Variants in FRMD4B observed in about 807,000 individuals in gnomAD.
FRMD4B encodes the protein FERM domain containing 4B, also known as FERM domain-containing protein 4B.
A neutral mutation model predicts 141.5 loss-of-function variants in FRMD4B; 74 were observed. The ratio of observed to expected loss-of-function variants is 0.52; its 90% confidence interval spans 0.43 to 0.63. The LOEUF is 0.63. FRMD4B is among the 30% of genes least tolerant of loss of function. The pLI, the probability that FRMD4B is intolerant of heterozygous loss-of-function variation, is 0.00. For missense variants in FRMD4B, 1,366 were observed against 1,253.4 expected (o/e 1.09, Z -1.36); for synonymous variants, 506 against 467.9 (o/e 1.08, Z -1.05).
chr3:69,384,138 GGT>G (rs1195525496), intron 1 of FRMD4B, among the ~76,000 whole-genome samples: 7 of 151,826 alleles, frequency 4.6e-5, no homozygotes, highest in Non-Finnish European at 7.4e-5. Flanking sequence ...ATTATGATAT[GGT>G]ATTGGCTCAG....
Position 69,287,849 on chromosome 3 carries a change from AGAG to A in FRMD4B, c.417-16_417-14del. 1 of 1,348,522 alleles carries A rather than the reference AGAG, an allele frequency of 7.4e-7. No homozygotes were observed. Among genetic ancestry groups the A allele is most frequent in the Non-Finnish European group, 1.0e-6 (1 of 953,466 alleles). The allele number at this position is 1,348,522 out of a possible 1,614,324, so 83.5% of individuals were successfully genotyped here. A position where few individuals can be genotyped will look rare whatever the true frequency, so the allele number is the denominator to read the frequency against. On this transcript the variant is annotated splice_polypyrimidine_tract_variant and intron_variant, in intron 4 of 22. Transcript: ENST00000398540. ...CTCAATGTAAAACCTGAAAAACAGCAGAGGAGTTTGTTCCTTCAGATTTATTTT... is the reference window on the plus strand; with the variant it reads ...CTCAATGTAAAACCTGAAAAACAGCAGAGTTTGTTCCTTCAGATTTATTTT...
At chr3:69,267,636 TAGAGAGAGAGAGAGAGAGAGAGAG>T (rs55659743) in intron 5 of FRMD4B, among the ~76,000 whole-genome samples, 23 of 32,980 alleles carry the variant, frequency 7.0e-4, no homozygotes, top group South Asian at 1.1e-3. Context: ...TATATATATA[TAGAGAGAGAGAGAGAGAGAGAGAG>T]AGAGAGAGAG....
At chr3:69,400,547 A>T (rs1353025178) in intron 2 of FRMD4B, among the ~76,000 whole-genome samples, 1 of 152,232 alleles carries the variant, frequency 6.6e-6, no homozygotes, top group Non-Finnish European at 1.5e-5. Flanking sequence ...ACTGGATGAA[A>T]AAACAAACAA....
At chr3:69,174,877 A>G (rs2092626273) in intron 22 of FRMD4B, among the ~76,000 whole-genome samples, 2 of 152,234 alleles carry the variant, frequency 1.3e-5, no homozygotes, top group African/African-American at 4.8e-5. Context: ...TGAAAAGGCT[A>G]GGCTCAAATT....
intron 4 of FRMD4B, among the ~76,000 whole-genome samples, chr3:69,296,925 G>T (rs967196192): frequency 2.0e-5 from 3 of 152,126 alleles, no homozygotes; most frequent in African/African-American, 7.2e-5. Flanking sequence ...ATTCTACCTA[G>T]AGATTAACTG....
chr3:69,478,449 C>T (rs1330228057), intron 1 of FRMD4B, among the ~76,000 whole-genome samples: 1 of 152,172 alleles, frequency 6.6e-6, no homozygotes, highest in Non-Finnish European at 1.5e-5. Flanking sequence ...TTTCTGCCTT[C>T]ATTTCGTTAG....
At chr3:69,504,191 A>G (rs1706554478) in intron 1 of FRMD4B, among the ~76,000 whole-genome samples, 1 of 152,168 alleles carries the variant, frequency 6.6e-6, no homozygotes, top group Non-Finnish European at 1.5e-5. Flanking sequence ...TAATGGCAGT[A>G]AAGTATAACA....
Position 69,188,727 on chromosome 3 carries a change from G to A in FRMD4B, c.1772-810C>T, listed in dbSNP as rs934337364. Among the ~76,000 whole-genome samples, 22 of 139,232 alleles carry A rather than the reference G, an allele frequency of 1.6e-4. 1 individual carries two copies. The highest frequency in any genetic ancestry group is 9.3e-3 in the Middle Eastern group (2 of 216). The allele number at this position is 139,232 out of a possible 152,430, so 91.3% of individuals were successfully genotyped here. On this transcript the variant is annotated intron_variant, in intron 18 of 22. Transcript: ENST00000398540. ...AGCCGAGATTGCGCCACTGCAGTCC[G>A]CAGTCCGACCTGGGCGACAGAGCGA...
At chr3:69,496,423 G>T (rs1706388392) in intron 1 of FRMD4B, among the ~76,000 whole-genome samples, 1 of 152,052 alleles carries the variant, frequency 6.6e-6, no homozygotes. Flanking sequence ...ATTTAAAGAT[G>T]GGCGAGTGAC....
chr3:69,504,936 A>G (rs1226972796), intron 1 of FRMD4B, among the ~76,000 whole-genome samples: 2 of 152,188 alleles, frequency 1.3e-5, no homozygotes, highest in African/African-American at 2.4e-5. Context: ...TCTTCATCCT[A>G]TCAACTACAA....
intron 1 of FRMD4B, among the ~76,000 whole-genome samples, chr3:69,381,752 T>C (rs1356258054): frequency 6.6e-6 from 1 of 152,218 alleles, no homozygotes; most frequent in African/African-American, 2.4e-5. Flanking sequence ...TTTGTACTTA[T>C]CTTGAAAAAT....
At chr3:69,461,778 A>T (rs1705711265) in intron 1 of FRMD4B, among the ~76,000 whole-genome samples, 1 of 152,120 alleles carries the variant, frequency 6.6e-6, no homozygotes, top group Non-Finnish European at 1.5e-5. Context: ...CATGACTGTC[A>T]GGTAACAATA....
intron 3 of FRMD4B, among the ~76,000 whole-genome samples, chr3:69,303,827 T>C (rs770611098): frequency 1.3e-5 from 2 of 151,996 alleles, no homozygotes; most frequent in South Asian, 2.1e-4. Flanking sequence ...CCAGCTACTA[T>C]GGAGGCTGAA....
chr3:69,491,325 A>T (rs1294598657), intron 1 of FRMD4B, among the ~76,000 whole-genome samples: 1 of 152,210 alleles, frequency 6.6e-6, no homozygotes, highest in Non-Finnish European at 1.5e-5. Context: ...GAAGAACTGC[A>T]AAGCATCTAG....
At chr3:69,230,044 T>A (rs1398239517) in intron 7 of FRMD4B, among the ~76,000 whole-genome samples, 2 of 152,012 alleles carry the variant, frequency 1.3e-5, no homozygotes, top group East Asian at 3.9e-4. Flanking sequence ...TGGCGCAATG[T>A]TGGCTCACTG....
At position 69,180,994 on chromosome 3, in the gene FRMD4B, C is replaced by T. The variant is rs375599800; in HGVS notation, c.2756G>A (p.Ser919Asn). ...QKDQGHSPQT[S>N]FDSDRGSQRC... ...CTGTGATCCCCTGTCTGAGTCAAAGCTGGTCTGCGGGCTGTGTCCCTGATC... is the reference window on the plus strand; with the variant it reads ...CTGTGATCCCCTGTCTGAGTCAAAGTTGGTCTGCGGGCTGTGTCCCTGATC... The change falls in exon 21 of 23, where the codon AGC becomes AAC. Residue 919 changes from serine to asparagine, a missense_variant. Transcript: ENST00000398540. The T allele has an allele frequency of 6.2e-7, 1 of 1,614,038 alleles. No homozygotes were observed. Among genetic ancestry groups the T allele is most frequent in the East Asian group, 2.2e-5 (1 of 44,882 alleles).
At chr3:69,335,187 T>C (rs1702501950) in intron 1 of FRMD4B, among the ~76,000 whole-genome samples, 2 of 152,022 alleles carry the variant, frequency 1.3e-5, no homozygotes, top group South Asian at 4.2e-4. Flanking sequence ...ATGCTATAAA[T>C]AAAGCAGCTA....
In FRMD4B at chr3:69,391,686, A is replaced by C. The variant is rs147803476; in HGVS notation, c.-1+40948T>G. ...GTTATGAAAGTCTCTGACTGTACAC[A>C]CAATGGGATATTGCTCCTCTCAGCT... On this transcript the variant is annotated intron_variant, in intron 2 of 5. Transcript: ENST00000459638. 2.3e-3 allele frequency among the ~76,000 whole-genome samples: 354 copies of C among 152,318 alleles called. 2 individuals carry two copies. Among genetic ancestry groups the C allele is most frequent in the African/African-American group, 8.3e-3 (347 of 41,580 alleles).
intron 5 of FRMD4B, among the ~76,000 whole-genome samples, chr3:69,287,492 C>T (rs892167622): frequency 2.6e-5 from 4 of 152,148 alleles, no homozygotes; most frequent in African/African-American, 9.7e-5. Context: ...CACTCTGTGT[C>T]GATTATTTGC....
Sources: allele counts gnomAD v4.1 joint callset (sites outside exome capture counted in the v4.1 genomes callset), GRCh38; gene constraint gnomAD v4.1.1; transcripts MANE v1.5; gene names NCBI Gene and HGNC (gene_info 2026-07-23, HGNC 2026-07-21).